IRF2BP2: variants seen among roughly 807,000 people sequenced by gnomAD.
The protein encoded by IRF2BP2 is interferon regulatory factor 2 binding protein 2.
Under a neutral mutation model 32.7 loss-of-function variants are expected in IRF2BP2, and 13 were observed. The ratio of observed to expected loss-of-function variants is 0.40; its 90% CI spans 0.26 to 0.63. The LOEUF is 0.63. IRF2BP2 is among the 30% of genes least tolerant of loss of function. The pLI is 0.42. For synonymous variants in IRF2BP2, 555 were observed against 384.6 expected (o/e 1.44, Z -5.18); for missense variants, 980 against 830.6 (o/e 1.18, Z -2.21).
Position 234,606,740 on chromosome 1 carries a change from G to C in IRF2BP2, c.*397C>G, listed in dbSNP as rs907019926. On this transcript the variant is annotated 3_prime_UTR_variant, in exon 2 of 2. Coordinates refer to ENST00000366609, the MANE Select transcript of IRF2BP2 (RefSeq NM_182972.3). ...AGCAATAAGGAATGACAGACAGTAA[G>C]GCAATCTTACAATGTCAGAAAATGT... 6.3e-6 allele frequency: 1 copy of C among 157,750 alleles called. No individual in the cohort carries two copies. The highest frequency in any genetic ancestry group is 2.4e-5 in the African/African-American group (1 of 41,488). The allele number at this position is 157,750 out of a possible 1,614,324, so 9.8% of individuals were successfully genotyped here.
rs1672273081 is a variant in IRF2BP2, at chr1:234,609,251, T to C, written c.244A>G (p.Lys82Glu). The change falls in exon 1 of 2, where the codon AAG (lysine) becomes GAG (glutamate). Residue 82 changes from lysine to glutamate, a missense_variant. Physicochemically the swap from Lys to Glu is moderately conservative, Grantham distance 56. Coordinates refer to ENST00000366609, the MANE Select transcript of IRF2BP2 (RefSeq NM_182972.3). ...TCCTTGGCGGAGAGCGGCGGCGGCT[T>C]GGCGGCGGCCGAGGCCGCGGCGCCG... The part of the protein sequence containing the change: ...PPGAAASAAA[K>E]PPPLSAKDIL... 3.7e-6 allele frequency: 5 copies of C among 1,351,814 alleles called. No homozygotes were observed. The highest frequency in any genetic ancestry group is 6.4e-5 in the East Asian group (2 of 31,148). 83.7% of individuals were successfully genotyped at this position (1,351,814 alleles called of 1,614,324 possible). A position where few individuals can be genotyped will look rare whatever the true frequency, so the allele number is the denominator to read the frequency against.
chr1:234,608,933 G>A lies in IRF2BP2; in HGVS notation c.562C>T (p.Leu188=), dbSNP rs200463649. The A allele has an allele frequency of 5.8e-6, 8 of 1,371,088 alleles. No homozygotes were observed. The highest frequency in any genetic ancestry group is 3.9e-5 in the South Asian group (2 of 51,666). 84.9% of individuals were successfully genotyped at this position (1,371,088 alleles called of 1,614,324 possible). A position where few individuals can be genotyped will look rare whatever the true frequency, so the allele number is the denominator to read the frequency against. The part of the protein sequence containing the change: ...PRRGHAVPPT[L]VPLMNGSATP... The stretch of plus-strand genomic sequence containing the variant: ...GCCGAGCCGTTCATGAGCGGCACCA[G>A]GGTGGGCGGCACCGCGTGGCCGCGC... The change falls in exon 1 of 2, where the codon CTG becomes TTG. Residue 188 remains leucine, a synonymous_variant. Coordinates refer to ENST00000366609, the MANE Select transcript of IRF2BP2 (RefSeq NM_182972.3).
Position 234,609,541 on chromosome 1 carries a change from G to A in IRF2BP2, c.-47C>T, listed in dbSNP as rs773427373. 4 of 1,226,620 alleles carry A rather than the reference G, an allele frequency of 3.3e-6. No homozygotes were observed. The highest frequency in any genetic ancestry group is 3.9e-5 in the Admixed American group (1 of 25,744). 76.0% of individuals were successfully genotyped at this position (1,226,620 alleles called of 1,614,324 possible). A position where few individuals can be genotyped will look rare whatever the true frequency, so the allele number is the denominator to read the frequency against. On this transcript the variant is annotated 5_prime_UTR_variant, in exon 1 of 2. Coordinates refer to ENST00000366609, the MANE Select transcript of IRF2BP2 (RefSeq NM_182972.3). ...GGAGGAGGAGGCGGAGGAGGAGGAG[G>A]GGGCGCCGCCGCCGCCCCCCACCGG...
Position 234,608,621 on chromosome 1 carries a change from C to T in IRF2BP2, c.874G>A (p.Gly292Arg). 1 of 1,575,368 alleles carries T rather than the reference C, an allele frequency of 6.3e-7. No homozygotes were observed. Among genetic ancestry groups the T allele is most frequent in the South Asian group, 1.2e-5 (1 of 86,720 alleles). The change falls in exon 1 of 2, where the codon GGG becomes AGG. Residue 292 changes from glycine (G) to arginine (R), a missense_variant. Gly to Arg is a moderately radical substitution (Grantham distance 125). Transcript: ENST00000366609. ...LSAEGAGKSR[G>R]SGEQDWVNRP... is the part of the protein sequence containing the mutation. ...TTGACCCAGTCCTGCTCTCCAGACC[C>T]GCGGCTCTTGCCCGCACCTTCCGCG...
In IRF2BP2 at chr1:234,607,243, T is replaced by C; in HGVS notation, c.1658A>G (p.Glu553Gly). 1 of 1,614,236 alleles carries C rather than the reference T, an allele frequency of 6.2e-7. No individual in the cohort carries two copies. Residue 553 changes from glutamate to glycine, a missense_variant, in exon 2 of 2, where the codon GAA (glutamate) becomes GGA (glycine). By Grantham distance (98) the Glu-to-Gly change is moderately conservative. Coordinates refer to ENST00000366609, the MANE Select transcript of IRF2BP2 (RefSeq NM_182972.3). ...ASGEVYCPSG[E>G]KCPLVGSNVP... The stretch of plus-strand genomic sequence containing the variant: ...ATTGGAGCCCACAAGAGGGCATTTT[T>C]CCCCACTGGGACAATAGACCTCTCC...
chr1:234,607,633 G>T lies in IRF2BP2; in HGVS notation c.1268C>A (p.Ser423Tyr). 6.2e-7 allele frequency: 1 copy of T among 1,614,250 alleles called. No individual in the cohort carries two copies. Residue 423 changes from serine (S) to tyrosine (Y), a missense_variant, in exon 2 of 2, where the codon TCC (serine) becomes TAC (tyrosine). Ser to Tyr is a moderately radical substitution (Grantham distance 144). Transcript: ENST00000366609. ...TPPEAAQNGQ[S>Y]PMAALILVAD... ...TACTAAGATCAGGGCTGCCATGGGG[G>T]ACTGGCCATTCTGGGCCGCTTCAGG...
In IRF2BP2 at chr1:234,606,324, G is replaced by A. The variant is rs900223545; in HGVS notation, c.*813C>T. The A allele has an allele frequency of 1.3e-5, 2 of 152,154 alleles. No homozygotes were observed. The highest frequency in any genetic ancestry group is 4.8e-5 in the African/African-American group (2 of 41,416). 9.4% of individuals were successfully genotyped at this position (152,154 alleles called of 1,614,324 possible). ...CTGGGCTCTGCTCAAAGATGGCAGTGCCATCTTGTACACACCACCATCCAT... is the reference window on the plus strand; with the variant it reads ...CTGGGCTCTGCTCAAAGATGGCAGTACCATCTTGTACACACCACCATCCAT... On this transcript the variant is annotated 3_prime_UTR_variant, in exon 2 of 2. Transcript: ENST00000366609.
chr1:234,609,787 GGCGGCGGGC>G lies in IRF2BP2; in HGVS notation c.-302_-294del, dbSNP rs1398207417. Among the ~76,000 whole-genome samples the G allele has an allele frequency of 5.6e-5, 8 of 143,792 alleles. No homozygotes were observed. In the East Asian group the frequency reaches 6.1e-4, roughly 11 times the overall value. 94.3% of individuals were successfully genotyped at this position (143,792 alleles called of 152,430 possible). A position where few individuals can be genotyped will look rare whatever the true frequency, so the allele number is the denominator to read the frequency against. On this transcript the variant is annotated 5_prime_UTR_variant, in exon 1 of 2. Transcript: ENST00000366609. Reference sequence around the variant, plus strand: ...ACGGGCGGGCGGCGCGGCGCGGCGGGGCGGCGGGCGCGGCGGTGGGGGCTCGGCCGGAGC... The same window carrying G: ...ACGGGCGGGCGGCGCGGCGCGGCGGGGCGGCGGTGGGGGCTCGGCCGGAGC...
chr1:234,609,023 C>A lies in IRF2BP2; in HGVS notation c.472G>T (p.Val158Leu). The change falls in exon 1 of 2, where the codon GTG becomes TTG. Residue 158 changes from valine (V) to leucine (L), a missense_variant. Coordinates refer to ENST00000366609, the MANE Select transcript of IRF2BP2 (RefSeq NM_182972.3). ...TCTAGCTTGGAGAAGCCGTTGGGCACCAGGATGCCGTTCACGGGCGGCGGC... is the reference window on the plus strand; with the variant it reads ...TCTAGCTTGGAGAAGCCGTTGGGCAACAGGATGCCGTTCACGGGCGGCGGC... Reference protein sequence around the residue: ...PQPPPVNGILVPNGFSKLEEP... With the variant: ...PQPPPVNGILLPNGFSKLEEP... 1.5e-6 allele frequency: 2 copies of A among 1,324,298 alleles called. No individual in the cohort carries two copies. Among genetic ancestry groups the A allele is most frequent in the Middle Eastern group, 2.3e-4 (1 of 4,334 alleles). The allele number at this position is 1,324,298 out of a possible 1,614,324, so 82.0% of individuals were successfully genotyped here.
At position 234,605,643 on chromosome 1, in the gene IRF2BP2, T is replaced by A. The variant is rs1672140178; in HGVS notation, c.*1494A>T. ...AAATTGTAGACCTTGAAGCCATAAT[T>A]CAGCCTAATTATAAGGCCAAGTTAC... On this transcript the variant is annotated 3_prime_UTR_variant, in exon 2 of 2. Transcript: ENST00000366609. 6.6e-6 allele frequency: 1 copy of A among 152,234 alleles called. No homozygotes were observed. Among genetic ancestry groups the A allele is most frequent in the Non-Finnish European group, 1.5e-5 (1 of 68,034 alleles). The allele number at this position is 152,234 out of a possible 1,614,324, so 9.4% of individuals were successfully genotyped here.
At position 234,608,487 on chromosome 1, in the gene IRF2BP2, C is replaced by T. The variant is rs754368949; in HGVS notation, c.1008G>A (p.Leu336=). 3.7e-6 allele frequency: 6 copies of T among 1,603,068 alleles called. No homozygotes were observed. The Admixed American group carries it at 8.4e-5, about 23-fold the overall frequency. The change falls in exon 1 of 2, where the codon TTG becomes TTA. Residue 336 remains leucine (L), a synonymous_variant. Transcript: ENST00000366609. The part of the protein sequence containing the change: ...KKEPALTAGR[L]LGFEANGANG... The stretch of plus-strand genomic sequence containing the variant: ...TGGCCCCGTTGGCCTCGAAACCCAA[C>T]AACCTGCCTGCAGTCAGGGCCGGCT...
Position 234,607,731 on chromosome 1 carries a change from G to A in IRF2BP2, c.1170C>T (p.Pro390=). ...LSTSTEGLKI[P]MTPTSSFVSP... ...ACACAAAAGAGGATGTAGGAGTCATGGGGATCTTGAGCCCCTCTGTGGATG... is the reference window on the plus strand; with the variant it reads ...ACACAAAAGAGGATGTAGGAGTCATAGGGATCTTGAGCCCCTCTGTGGATG... Residue 390 remains proline, a synonymous_variant, in exon 2 of 2, where the codon CCC becomes CCT. Coordinates refer to ENST00000366609, the MANE Select transcript of IRF2BP2 (RefSeq NM_182972.3). The A allele has an allele frequency of 6.2e-7, 1 of 1,614,198 alleles. No homozygotes were observed. The highest frequency in any genetic ancestry group is 1.3e-5 in the African/African-American group (1 of 75,052).
rs939452165 is a variant in IRF2BP2 at position 234,607,006 on chromosome 1, C to T, written c.*131G>A. The T allele has an allele frequency of 2.1e-5, 15 of 715,670 alleles. No homozygotes were observed. The African/African-American group carries it at 2.3e-4, about 11-fold the overall frequency. 44.3% of individuals were successfully genotyped at this position (715,670 alleles called of 1,614,324 possible). ...GAAACACAATGTATTCAAAAAAAAT[C>T]AAAATTATACAGCCATGTTTATGAA... On this transcript the variant is annotated 3_prime_UTR_variant, in exon 2 of 2. Transcript: ENST00000366609.
In IRF2BP2 at chr1:234,608,835, C is replaced by T; in HGVS notation, c.660G>A (p.Ala220=). The T allele has an allele frequency of 7.4e-7, 1 of 1,352,398 alleles. No homozygotes were observed. Among genetic ancestry groups the T allele is most frequent in the Non-Finnish European group, 9.4e-7 (1 of 1,061,904 alleles). 83.8% of individuals were successfully genotyped at this position (1,352,398 alleles called of 1,614,324 possible). A position where few individuals can be genotyped will look rare whatever the true frequency, so the allele number is the denominator to read the frequency against. ...AASLAAVSGT[A]AASLGSAQPT... ...GCTGCGCGGAGCCCAGGCTGGCGGC[C>T]GCGGTTCCGGACACCGCGGCTAAGG... Residue 220 remains alanine (A), a synonymous_variant, in exon 1 of 2, where the codon GCG becomes GCA. Transcript: ENST00000366609.
chr1:234,608,574 G>C lies in IRF2BP2; in HGVS notation c.921C>G (p.Asp307Glu), dbSNP rs371081063. The C allele has an allele frequency of 1.9e-6, 3 of 1,607,844 alleles. No homozygotes were observed. The highest frequency in any genetic ancestry group is 2.2e-5 in the East Asian group (1 of 44,474). The change falls in exon 1 of 2, where the codon GAC becomes GAG. Residue 307 changes from aspartate to glutamate, a missense_variant. By Grantham distance (45) the Asp-to-Glu change is conservative. Coordinates refer to ENST00000366609, the MANE Select transcript of IRF2BP2 (RefSeq NM_182972.3). ...DWVNRPKTVR[D>E]TLLALHQHGH... ...CGTGCTGGTGCAGCGCCAGCAGCGTGTCGCGCACGGTCTTGGGCCTGTTGA... is the reference window on the plus strand; with the variant it reads ...CGTGCTGGTGCAGCGCCAGCAGCGTCTCGCGCACGGTCTTGGGCCTGTTGA...
In IRF2BP2 at chr1:234,607,869, A is replaced by T. The variant is rs1197640859; in HGVS notation, c.1049-17T>A. On this transcript the variant is annotated splice_polypyrimidine_tract_variant and intron_variant, in intron 1 of 1. Coordinates refer to ENST00000366609, the MANE Select transcript of IRF2BP2 (RefSeq NM_182972.3). ...TTCTTGCAACTGGAAACACAAAGAA[A>T]TAAAAGGAAAAAGGTAACATAAGTG... The T allele has an allele frequency of 1.3e-6, 2 of 1,528,228 alleles. No individual in the cohort carries two copies. Among genetic ancestry groups the T allele is most frequent in the Non-Finnish European group, 1.8e-6 (2 of 1,135,726 alleles). The allele number at this position is 1,528,228 out of a possible 1,614,324, so 94.7% of individuals were successfully genotyped here.
chr1:234,605,777 GATTT>G lies in IRF2BP2; in HGVS notation c.*1356_*1359del, dbSNP rs1672144449. On this transcript the variant is annotated 3_prime_UTR_variant, in exon 2 of 2. Transcript: ENST00000366609. ...GAGACAACTATTTCTAATAATTGAT[GATTT>G]ATTGGTTTTAAAAAAATCATTTTAC... The G allele has an allele frequency of 6.6e-6, 1 of 152,186 alleles. No individual in the cohort carries two copies. Among genetic ancestry groups the G allele is most frequent in the Non-Finnish European group, 1.5e-5 (1 of 68,038 alleles). The allele number at this position is 152,186 out of a possible 1,614,324, so 9.4% of individuals were successfully genotyped here.
In IRF2BP2 at chr1:234,605,841, CAA is replaced by C. The variant is rs1277558477; in HGVS notation, c.*1294_*1295del. 3 of 152,142 alleles carry C rather than the reference CAA, an allele frequency of 2.0e-5. No homozygotes were observed. The highest frequency in any genetic ancestry group is 2.1e-4 in the South Asian group (1 of 4,830). The allele number at this position is 152,142 out of a possible 1,614,324, so 9.4% of individuals were successfully genotyped here. On this transcript the variant is annotated 3_prime_UTR_variant, in exon 2 of 2. Coordinates refer to ENST00000366609, the MANE Select transcript of IRF2BP2 (RefSeq NM_182972.3). ...ATAGTGATCAAAAGAAATTAGTTTA[CAA>C]AAAGACTTCTAAAAATATTTTGAGA... is the stretch of plus-strand genomic sequence containing the variant.
rs908889026 is a variant in IRF2BP2, at chr1:234,606,054, G to A, written c.*1083C>T. On this transcript the variant is annotated 3_prime_UTR_variant, in exon 2 of 2. Transcript: ENST00000366609. ...AAGGGCAGTCCTGGCAGCACCACGCGGCTGTTACTGTCATTGTACCATACT... is the reference window on the plus strand; with the variant it reads ...AAGGGCAGTCCTGGCAGCACCACGCAGCTGTTACTGTCATTGTACCATACT... The A allele has an allele frequency of 1.3e-5, 2 of 152,166 alleles. No individual in the cohort carries two copies. Among genetic ancestry groups the A allele is most frequent in the African/African-American group, 4.8e-5 (2 of 41,430 alleles). 9.4% of individuals were successfully genotyped at this position (152,166 alleles called of 1,614,324 possible). A position where few individuals can be genotyped will look rare whatever the true frequency, so the allele number is the denominator to read the frequency against.
Sources: allele counts gnomAD v4.1 joint callset (sites outside exome capture counted in the v4.1 genomes callset), GRCh38; gene constraint gnomAD v4.1.1; transcripts MANE v1.5; gene names NCBI Gene and HGNC (gene_info 2026-07-23, HGNC 2026-07-21).